The following SIMC1 variants were observed in gnomAD, a reference collection of about 807,000 sequenced individuals.
The protein encoded by SIMC1 is SUMO interacting motifs containing 1.
Under a neutral mutation model 82.3 loss-of-function variants are expected in SIMC1, and 55 were observed. The observed-to-expected ratio is 0.67, with a 90% CI of 0.54 to 0.84. The LOEUF (loss-of-function observed/expected upper bound fraction) is 0.84. Ranked by LOEUF, SIMC1 falls within the 40% of genes least tolerant of loss-of-function variation. The pLI, the probability that SIMC1 is intolerant of heterozygous loss-of-function variation, is 0.00. For missense variants in SIMC1, 915 were observed against 1,107.2 expected (o/e 0.83, Z 2.46); for synonymous variants, 353 against 426.3 (o/e 0.83, Z 2.12).
At chr5:176,328,086 T>C (rs1208640376) in intron 7 of SIMC1, among the ~76,000 whole-genome samples, 1 of 152,162 alleles carries the variant, frequency 6.6e-6, no homozygotes, top group Non-Finnish European at 1.5e-5. Flanking sequence ...TCCTTATGCA[T>C]ATTTAAAAGA....
At chr5:176,297,502 C>CAAAAAAAAA (rs896827211) in intron 4 of SIMC1, among the ~76,000 whole-genome samples, 2 of 35,934 alleles carry the variant, frequency 5.6e-5, no homozygotes, top group African/African-American at 9.8e-5. Flanking sequence ...AACTCTGTCT[C>CAAAAAAAAA]AAAAAAAAAA....
At chr5:176,326,845 G>A (rs1287804035) in intron 7 of SIMC1, among the ~76,000 whole-genome samples, 3 of 152,122 alleles carry the variant, frequency 2.0e-5, no homozygotes, top group African/African-American at 4.8e-5. Flanking sequence ...GATTACAGGC[G>A]TAAACCACCA....
intron 1 of SIMC1, among the ~76,000 whole-genome samples, chr5:176,274,375 G>C (rs1490183050): frequency 6.6e-6 from 1 of 150,914 alleles, no homozygotes; most frequent in Non-Finnish European, 1.5e-5. Context: ...TTGTAAATTT[G>C]CTTGAGTTCA....
At chr5:176,340,135 A>C (rs930764939) in intron 9 of SIMC1, among the ~76,000 whole-genome samples, 1 of 152,220 alleles carries the variant, frequency 6.6e-6, no homozygotes, top group Non-Finnish European at 1.5e-5. Context: ...ATTCACCTGC[A>C]CTGGTTTATA....
intron 1 of SIMC1, among the ~76,000 whole-genome samples, chr5:176,247,394 C>T (rs554991814): frequency 3.3e-5 from 5 of 152,248 alleles, no homozygotes; most frequent in East Asian, 1.9e-4. Context: ...TTGTGGGCCG[C>T]GTAAATGTCT....
intron 2 of SIMC1, 58 bp from the exon 3 acceptor site, chr5:176,294,964 CAAAAAAAA>C (rs70991529): frequency 1.4e-4 from 169 of 1,211,642 alleles, no homozygotes; most frequent in Non-Finnish European, 1.6e-4. Context: ...GACTCCGTCT[CAAAAAAAA>C]AAAAAAAAAA....
intron 1 of SIMC1, among the ~76,000 whole-genome samples, chr5:176,252,876 G>A (rs889727937): frequency 1.3e-5 from 2 of 152,336 alleles, no homozygotes; most frequent in Admixed American, 6.5e-5. Flanking sequence ...ACGAGACTCC[G>A]TCTGCAATCC....
intron 1 of SIMC1, among the ~76,000 whole-genome samples, chr5:176,268,721 C>A (rs1455505331): frequency 1.3e-5 from 2 of 152,146 alleles, no homozygotes; most frequent in Non-Finnish European, 2.9e-5. Context: ...AAACTACAAC[C>A]GTAGTTGGAC....
intron 1 of SIMC1, among the ~76,000 whole-genome samples, chr5:176,274,397 G>A (rs1762588161): frequency 6.6e-6 from 1 of 151,468 alleles, no homozygotes; most frequent in South Asian, 2.1e-4. Context: ...TGTAGATTCT[G>A]GATATTAGCC....
At chr5:176,313,168 C>T (rs142357231) in intron 4 of SIMC1, 26 of 677,572 alleles carry the variant, frequency 3.8e-5, no homozygotes, top group Non-Finnish European at 4.6e-5. Context: ...TCAATCAGCT[C>T]GCATGACTGG....
At chr5:176,326,928 T>G (rs1473393584) in intron 7 of SIMC1, among the ~76,000 whole-genome samples, 1 of 152,228 alleles carries the variant, frequency 6.6e-6, no homozygotes, top group Non-Finnish European at 1.5e-5. Context: ...AGCCTAAGTT[T>G]ATGTAGCTAA....
chr5:176,296,779 C>G (rs1269163698), intron 4 of SIMC1: 4 of 154,430 alleles, frequency 2.6e-5, no homozygotes, highest in African/African-American at 9.6e-5. Flanking sequence ...TATGTGCTAT[C>G]TTCCAATTCA....
intron 5 of SIMC1, among the ~76,000 whole-genome samples, chr5:176,315,304 C>T (rs1284655828): frequency 6.6e-6 from 1 of 152,034 alleles, no homozygotes; most frequent in African/African-American, 2.4e-5. Context: ...GTCAAACAGT[C>T]GGCTCTCGAG....
chr5:176,244,483 A>C (rs1761367504), intron 1 of SIMC1, among the ~76,000 whole-genome samples: 1 of 151,142 alleles, frequency 6.6e-6, no homozygotes, highest in Admixed American at 6.6e-5. Flanking sequence ...AAAATCATCT[A>C]GGTTGAGGTG....
chr5:176,295,450 T>C (rs1470512349), intron 3 of SIMC1, among the ~76,000 whole-genome samples, 188 bp downstream of exon 3: 1 of 152,228 alleles, frequency 6.6e-6, no homozygotes, highest in African/African-American at 2.4e-5. Context: ...AAAGAGAATT[T>C]AATGGCTCGT....
chr5:176,336,805 A>G lies in SIMC1; in HGVS notation c.2257A>G (p.Thr753Ala). Residue 753 changes from threonine to alanine, a missense_variant, in exon 8 of 10, where the codon ACC becomes GCC. By Grantham distance (58) the Thr-to-Ala change is moderately conservative. Transcript: ENST00000429602. ...ATTCCTCCACAGCTGTGAGACACCC[A>G]CCCGCCTGCCTCTGTCTCTGGCCCA... ...IIFLHSCETP[T>A]RLPLSLAQAL... The G allele has an allele frequency of 1.2e-6, 2 of 1,609,282 alleles. No individual in the cohort carries two copies. The highest frequency in any genetic ancestry group is 1.7e-6 in the Non-Finnish European group (2 of 1,178,334).
At chr5:176,329,502 A>AC (rs1458440671) in intron 7 of SIMC1, among the ~76,000 whole-genome samples, 1 of 151,208 alleles carries the variant, frequency 6.6e-6, no homozygotes, top group Non-Finnish European at 1.5e-5. Context: ...TCTTTAAAAA[A>AC]AAAAAAAAAA....
At chr5:176,325,734 AAAT>A (rs1765367266) in intron 7 of SIMC1, among the ~76,000 whole-genome samples, 1 of 151,936 alleles carries the variant, frequency 6.6e-6, no homozygotes, top group African/African-American at 2.4e-5. Flanking sequence ...TAAATAATAA[AAAT>A]AAAAATTTAA....
At chr5:176,284,514 C>A (rs1332340037) in intron 1 of SIMC1, among the ~76,000 whole-genome samples, 1 of 152,196 alleles carries the variant, frequency 6.6e-6, no homozygotes, top group Non-Finnish European at 1.5e-5. Context: ...CTCTGGGATA[C>A]ATTTAAAGCA....
Sources: allele counts gnomAD v4.1 joint callset (sites outside exome capture counted in the v4.1 genomes callset), GRCh38; gene constraint gnomAD v4.1.1; transcripts MANE v1.5; gene names NCBI Gene and HGNC (gene_info 2026-07-23, HGNC 2026-07-21).